Variants in RUBCN observed in about 807,000 individuals in gnomAD.
The protein encoded by RUBCN is rubicon autophagy regulator.
In RUBCN, 74 loss-of-function variants were observed where a neutral mutation model predicts 113.2. The observed-to-expected ratio is 0.65, with a 90% CI of 0.54 to 0.79. The LOEUF is 0.79. RUBCN is among the 30% of genes least tolerant of loss of function. The probability of loss-of-function intolerance (pLI) is 0.00; values close to 1 mark genes in which losing one functional copy is unlikely to be tolerated. For synonymous variants in RUBCN, 480 were observed against 490.0 expected (o/e 0.98, Z 0.27); for missense variants, 1,109 against 1,251.7 (o/e 0.89, Z 1.72).
rs148572852 is a variant in RUBCN at position 197,682,331 on chromosome 3, C to T, written c.2126+139G>A. 1.9e-3 allele frequency: 1,922 copies of T among 1,002,548 alleles called. 5 individuals carry two copies. The highest frequency in any genetic ancestry group is 3.5e-3 in the Admixed American group (163 of 45,988). The allele number at this position is 1,002,548 out of a possible 1,614,324, so 62.1% of individuals were successfully genotyped here. On this transcript the variant is annotated intron_variant, in intron 14 of 19. Coordinates refer to ENST00000296343, the MANE Select transcript of RUBCN (RefSeq NM_014687.4). Reference sequence around the variant, plus strand: ...AAGAAACGAAGGACCAAATGGACGACGCCCCCCCTCTGCCTTTAAATGAAG... The same window carrying T: ...AAGAAACGAAGGACCAAATGGACGATGCCCCCCCTCTGCCTTTAAATGAAG...
intron 11 of RUBCN, among the ~76,000 whole-genome samples, chr3:197,684,483 T>C (rs1304128171): frequency 2.0e-5 from 3 of 152,024 alleles, no homozygotes; most frequent in Non-Finnish European, 4.4e-5. Flanking sequence ...AAACTCAGCT[T>C]TGGTGTAAAA....
chr3:197,704,829 C>A, intron 3 of RUBCN, 128 bp from the exon 4 acceptor site: 1 of 1,094,130 alleles, frequency 9.1e-7, no homozygotes, highest in Non-Finnish European at 1.4e-6. Context: ...CCCTGGGTCC[C>A]ATGTAGGCAG....
intron 11 of RUBCN, among the ~76,000 whole-genome samples, chr3:197,690,539 G>T (rs535715639): frequency 1.3e-5 from 2 of 152,276 alleles, no homozygotes; most frequent in African/African-American, 4.8e-5. Flanking sequence ...TCACCTACAG[G>T]AAACCTACTT....
exon 1 of RUBCN, chr3:197,749,584 C>A: frequency 7.9e-7 from 1 of 1,271,976 alleles, no homozygotes; most frequent in South Asian, 1.2e-5. Context: ...GTATAGGGGA[C>A]CTGTCTGCAG....
intron 11 of RUBCN, among the ~76,000 whole-genome samples, chr3:197,686,966 T>C (rs950915329): frequency 1.3e-5 from 2 of 152,118 alleles, no homozygotes; most frequent in African/African-American, 2.4e-5. Flanking sequence ...CAATGACAAG[T>C]TATAAGGAGA....
At chr3:197,727,001 G>A (rs1726839178) in intron 1 of RUBCN, among the ~76,000 whole-genome samples, 1 of 147,874 alleles carries the variant, frequency 6.8e-6, no homozygotes, top group African/African-American at 2.5e-5. Flanking sequence ...GGGCAGTGGT[G>A]CGATCTCAGC....
At chr3:197,695,661 T>C (rs1348845036) in intron 9 of RUBCN, among the ~76,000 whole-genome samples, 1 of 152,144 alleles carries the variant, frequency 6.6e-6, no homozygotes, top group Non-Finnish European at 1.5e-5. Context: ...GCTTCTAAGA[T>C]AAAATCGCTA....
chr3:197,733,914 C>T (rs1333377585), intron 1 of RUBCN, among the ~76,000 whole-genome samples: 2 of 152,108 alleles, frequency 1.3e-5, no homozygotes, highest in South Asian at 2.1e-4. Context: ...CTTATACTTC[C>T]GTTGTTACTA....
intron 1 of RUBCN, among the ~76,000 whole-genome samples, chr3:197,746,215 CG>C (rs1346803659): frequency 6.6e-6 from 1 of 152,136 alleles, no homozygotes; most frequent in Non-Finnish European, 1.5e-5. Context: ...ATAGCCATCG[CG>C]AAACATGATT....
At chr3:197,713,797 A>G (rs192029704) in intron 2 of RUBCN, among the ~76,000 whole-genome samples, 7 of 152,144 alleles carry the variant, frequency 4.6e-5, no homozygotes, top group Admixed American at 6.5e-5. Flanking sequence ...ATTCCAGGCC[A>G]GGCACGGTGG....
rs1258306602 is a variant in RUBCN, at chr3:197,683,230, G to C, written c.1980+77C>G. The C allele has an allele frequency of 6.4e-7, 1 of 1,568,820 alleles. No individual in the cohort carries two copies. The highest frequency in any genetic ancestry group is 1.3e-5 in the African/African-American group (1 of 74,084). On this transcript the variant is annotated intron_variant, in intron 13 of 19. Coordinates refer to ENST00000296343, the MANE Select transcript of RUBCN (RefSeq NM_014687.4). The surrounding 1 kb of genome is among the most constrained non-coding windows in gnomAD (Gnocchi z 4.6). ...GAACACCCAGGCTCATTCCAGACTAGGGACATGTGACGAAGGAAAACAAGG... is the reference window on the plus strand; with the variant it reads ...GAACACCCAGGCTCATTCCAGACTACGGACATGTGACGAAGGAAAACAAGG...
intron 1 of RUBCN, among the ~76,000 whole-genome samples, chr3:197,719,502 C>CATG (rs1157238766): frequency 7.7e-6 from 1 of 129,110 alleles, no homozygotes; most frequent in Non-Finnish European, 1.7e-5. Flanking sequence ...AAAAAAAGAA[C>CATG]ATGATAAATC....
chr3:197,702,410 C>T (rs890209813), intron 5 of RUBCN, among the ~76,000 whole-genome samples: 3 of 152,230 alleles, frequency 2.0e-5, no homozygotes, highest in Non-Finnish European at 4.4e-5. Context: ...CACCTGTAAT[C>T]CCAGCACTTT....
At chr3:197,689,453 G>T (rs1256913815) in intron 11 of RUBCN, among the ~76,000 whole-genome samples, 1 of 152,130 alleles carries the variant, frequency 6.6e-6, no homozygotes, top group Non-Finnish European at 1.5e-5. Context: ...CCAAATCAAG[G>T]CCTGCCTGGT....
chr3:197,739,164 C>T (rs1728396836), upstream of RUBCN, among the ~76,000 whole-genome samples: 2 of 151,832 alleles, frequency 1.3e-5, no homozygotes, highest in African/African-American at 2.4e-5. Flanking sequence ...CGGTCTTGAA[C>T]TCCCGACCTC....
intron 1 of RUBCN, among the ~76,000 whole-genome samples, chr3:197,742,272 C>G (rs1055515929): frequency 1.3e-5 from 2 of 152,110 alleles, no homozygotes; most frequent in African/African-American, 4.8e-5. Flanking sequence ...GTGGGCGGAT[C>G]GCTTGAGGTC....
upstream of RUBCN, among the ~76,000 whole-genome samples, chr3:197,737,668 C>T (rs1344893121): frequency 6.6e-6 from 1 of 151,982 alleles, no homozygotes; most frequent in Non-Finnish European, 1.5e-5. Flanking sequence ...ATCAGCAAAT[C>T]AAGCATATGC....
intron 2 of RUBCN, among the ~76,000 whole-genome samples, chr3:197,709,814 T>C (rs75487096): frequency 0.013 from 1,912 of 152,154 alleles, 28 homozygotes; most frequent in East Asian, 0.027. Context: ...ATGGAACAAT[T>C]TGAATGTAAA....
chr3:197,699,811 G>C (rs889526380), intron 7 of RUBCN, among the ~76,000 whole-genome samples: 2 of 152,016 alleles, frequency 1.3e-5, no homozygotes, highest in East Asian at 3.8e-4. Flanking sequence ...CTTTTTTTTA[G>C]GTCCTTGAAT....
Sources: gnomAD v4.1 joint callset for allele counts (sites outside exome capture counted in the v4.1 genomes callset) on GRCh38, gnomAD v4.1.1 for gene constraint, Gnocchi (gnomAD v3.1) non-coding constraint, MANE v1.5 for transcripts, NCBI Gene and HGNC (gene_info 2026-07-23, HGNC 2026-07-21) for gene names.